The following STK24 variants were observed in gnomAD, a reference collection of about 807,000 sequenced individuals.
The protein encoded by STK24 is serine/threonine kinase 24.
Under a neutral mutation model 55.6 loss-of-function variants are expected in STK24, and 21 were observed. The observed-to-expected ratio is 0.38, with a 90% CI of 0.27 to 0.54. STK24 has a LOEUF of 0.54. Ranked by LOEUF, STK24 falls within the 20% of genes least tolerant of loss-of-function variation. The probability of loss-of-function intolerance (pLI) is 0.79; values close to 1 mark genes in which losing one functional copy is unlikely to be tolerated. For synonymous variants in STK24, 200 were observed against 215.2 expected (o/e 0.93, Z 0.62); for missense variants, 383 against 538.4 (o/e 0.71, Z 2.86).
chr13:98,511,535 T>C (rs1185279863), intron 2 of STK24, among the ~76,000 whole-genome samples: 1 of 152,230 alleles, frequency 6.6e-6, no homozygotes, highest in Non-Finnish European at 1.5e-5. Context: ...AATCACCAAA[T>C]TCTGGAAACA....
intron 2 of STK24, among the ~76,000 whole-genome samples, chr13:98,494,216 C>T (rs1895156738): frequency 6.8e-6 from 1 of 147,130 alleles, no homozygotes; most frequent in Non-Finnish European, 1.5e-5. Flanking sequence ...TCGAGACCAT[C>T]CTGGCTAACA....
chr13:98,518,500 C>T (rs943952711), intron 2 of STK24, among the ~76,000 whole-genome samples: 1 of 152,090 alleles, frequency 6.6e-6, no homozygotes, highest in African/African-American at 2.4e-5. Flanking sequence ...TTTCTAAAAC[C>T]CCATTTTAAA....
chr13:98,479,061 T>A (rs895213829), intron 3 of STK24, among the ~76,000 whole-genome samples: 2 of 152,150 alleles, frequency 1.3e-5, no homozygotes, highest in Non-Finnish European at 2.9e-5. Context: ...CACAACTCTA[T>A]GCTGAATGAA....
chr13:98,501,886 A>G (rs1895477566), intron 2 of STK24, among the ~76,000 whole-genome samples: 1 of 151,864 alleles, frequency 6.6e-6, no homozygotes, highest in Non-Finnish European at 1.5e-5. Context: ...AAGTTTTCCT[A>G]ATATCTCCTT....
intron 2 of STK24, among the ~76,000 whole-genome samples, chr13:98,489,675 G>A (rs1457088370): frequency 6.6e-6 from 1 of 152,184 alleles, no homozygotes; most frequent in Non-Finnish European, 1.5e-5. Context: ...CTCCCTGAAG[G>A]GCTGTGACCT....
At chr13:98,468,927 C>T (rs59284691) in intron 5 of STK24, among the ~76,000 whole-genome samples, 4,771 of 152,312 alleles carry the variant, frequency 0.031, 233 homozygotes, top group African/African-American at 0.11. Flanking sequence ...TGATCTCTGA[C>T]GGATGCACCT....
chr13:98,510,097 C>A (rs1012124236), intron 2 of STK24, among the ~76,000 whole-genome samples: 1 of 152,138 alleles, frequency 6.6e-6, no homozygotes, highest in Non-Finnish European at 1.5e-5. Context: ...GGACTCTGTA[C>A]CCTCCATCCG....
intron 3 of STK24, among the ~76,000 whole-genome samples, chr13:98,478,135 C>T (rs1894452394): frequency 6.6e-6 from 1 of 152,186 alleles, no homozygotes; most frequent in South Asian, 2.1e-4. Flanking sequence ...CGGACCAGGC[C>T]AAGCTCTCCA....
At position 98,448,523 on chromosome 13, in the gene STK24, C is replaced by T. The variant is rs890942515; in HGVS notation, c.*4650G>A. ...GCGCTCCCACCTCCAGTCCTGGCATCCGCTGGGGGCGCTGTTCTTTAGCTA... is the reference window on the plus strand; with the variant it reads ...GCGCTCCCACCTCCAGTCCTGGCATTCGCTGGGGGCGCTGTTCTTTAGCTA... On this transcript the variant is annotated 3_prime_UTR_variant, in exon 11 of 11. Transcript: ENST00000539966. The T allele has an allele frequency of 1.7e-6, 1 of 573,028 alleles. No homozygotes were observed. The highest frequency in any genetic ancestry group is 1.9e-5 in the African/African-American group (1 of 53,192). 35.5% of individuals were successfully genotyped at this position (573,028 alleles called of 1,614,324 possible).
At chr13:98,552,944 C>G (rs1442232224) in intron 1 of STK24, among the ~76,000 whole-genome samples, 4 of 152,104 alleles carry the variant, frequency 2.6e-5, no homozygotes, top group Non-Finnish European at 5.9e-5. Context: ...AGAGTGAGCT[C>G]CACCGTCAGC....
intron 2 of STK24, among the ~76,000 whole-genome samples, chr13:98,518,191 T>G (rs1896133914): frequency 6.6e-6 from 1 of 152,254 alleles, no homozygotes; most frequent in Non-Finnish European, 1.5e-5. Flanking sequence ...ACTGCTCAAT[T>G]TTGATTTCCT....
intron 1 of STK24, among the ~76,000 whole-genome samples, chr13:98,519,745 G>C (rs1333987260): frequency 6.6e-6 from 1 of 152,164 alleles, no homozygotes; most frequent in Non-Finnish European, 1.5e-5. Flanking sequence ...TGGAAAAAAT[G>C]CCAACTTTTG....
chr13:98,498,142 G>C (rs1353489728), intron 2 of STK24, among the ~76,000 whole-genome samples: 4 of 152,210 alleles, frequency 2.6e-5, no homozygotes, highest in Non-Finnish European at 5.9e-5. Context: ...TCTATTGTTT[G>C]AACTGTTGAT....
At chr13:98,505,483 G>A (rs76877904) in intron 2 of STK24, among the ~76,000 whole-genome samples, 134 of 152,338 alleles carry the variant, frequency 8.8e-4, no homozygotes, top group Non-Finnish European at 2.8e-4. Context: ...GTAAGCCCTG[G>A]TCTATAATCA....
intron 1 of STK24, among the ~76,000 whole-genome samples, chr13:98,563,528 T>C (rs560966423): frequency 2.0e-5 from 3 of 152,304 alleles, no homozygotes; most frequent in East Asian, 3.9e-4. Context: ...GTCTGTATAA[T>C]GTGCTGTTTA....
At chr13:98,562,692 G>T (rs1324084203) in intron 1 of STK24, among the ~76,000 whole-genome samples, 1 of 152,146 alleles carries the variant, frequency 6.6e-6, no homozygotes, top group Non-Finnish European at 1.5e-5. Flanking sequence ...AAGGTGGGCA[G>T]ATCACGAGGT....
intron 1 of STK24, among the ~76,000 whole-genome samples, chr13:98,574,974 C>CTTTGTGG: frequency 6.6e-6 from 1 of 152,314 alleles, no homozygotes; most frequent in Admixed American, 6.5e-5. Context: ...TCGCTATCCA[C>CTTTGTGG]AAAGGCCAAT....
intron 3 of STK24, among the ~76,000 whole-genome samples, chr13:98,476,143 A>G (rs746389504): frequency 1.3e-5 from 2 of 152,120 alleles, no homozygotes; most frequent in Non-Finnish European, 1.5e-5. Flanking sequence ...ATCCACAACT[A>G]TATCAGATGA....
intron 2 of STK24, among the ~76,000 whole-genome samples, chr13:98,517,815 C>T (rs1489018380): frequency 6.6e-6 from 1 of 152,110 alleles, no homozygotes; most frequent in Non-Finnish European, 1.5e-5. Context: ...TCAATGGATA[C>T]CTTAACTGCA....
Sources: gnomAD v4.1 joint callset for allele counts (sites outside exome capture counted in the v4.1 genomes callset) on GRCh38, gnomAD v4.1.1 for gene constraint, MANE v1.5 for transcripts, NCBI Gene and HGNC (gene_info 2026-07-23, HGNC 2026-07-21) for gene names.